SNTG1: variants seen among roughly 807,000 people sequenced by gnomAD.
SNTG1 encodes syntrophin gamma 1.
SNTG1 carries 39 observed loss-of-function variants against 74.7 expected under a neutral mutation model. The ratio of observed to expected loss-of-function variants is 0.52; its 90% CI spans 0.40 to 0.68. The LOEUF is 0.68. Ranked by LOEUF, SNTG1 falls within the 30% of genes least tolerant of loss-of-function variation. The pLI, the probability that SNTG1 is intolerant of heterozygous loss-of-function variation, is 0.00. For synonymous variants in SNTG1, 254 were observed against 217.1 expected (o/e 1.17, Z -1.49); for missense variants, 685 against 609.5 (o/e 1.12, Z -1.30).
intron 17 of SNTG1, among the ~76,000 whole-genome samples, chr8:50,741,325 G>T (rs1184203320): frequency 2.0e-5 from 3 of 152,000 alleles, no homozygotes; most frequent in African/African-American, 7.2e-5. Flanking sequence ...GTTTCGCCAT[G>T]TTGGCCAGGC....
At chr8:50,313,566 G>A (rs1263772584) in intron 2 of SNTG1, among the ~76,000 whole-genome samples, 4 of 149,804 alleles carry the variant, frequency 2.7e-5, no homozygotes, top group Non-Finnish European at 5.9e-5. Flanking sequence ...GTGCAACATC[G>A]TTAATCATCA....
chr8:50,260,741 C>A (rs1338267742), intron 2 of SNTG1, among the ~76,000 whole-genome samples: 8 of 60,220 alleles, frequency 1.3e-4, no homozygotes, highest in South Asian at 7.9e-4. Context: ...AGAGAAATAG[C>A]AATTCTAAAA....
Position 50,145,875 on chromosome 8 carries a change from G to T in SNTG1, c.-102-26686G>T, listed in dbSNP as rs60649237. Among the ~76,000 whole-genome samples, 981 of 150,936 alleles carry T rather than the reference G, an allele frequency of 6.5e-3. 13 individuals are homozygous for T. Among genetic ancestry groups the T allele is most frequent in the African/African-American group, 0.022 (920 of 41,270 alleles). ...TAATAAAATTCAAATACATTTAAAG[G>T]GGAAATAATATAGCATATTCAAATT... On this transcript the variant is annotated intron_variant, in intron 1 of 18. Coordinates refer to ENST00000642720, the MANE Select transcript of SNTG1 (RefSeq NM_018967.5).
chr8:50,163,840 G>C (rs1586549971), intron 1 of SNTG1: 1 of 152,082 alleles, frequency 6.6e-6, no homozygotes, highest in Non-Finnish European at 1.5e-5. Flanking sequence ...TTAGACTGTA[G>C]TTTAAGATTC....
intron 18 of SNTG1, among the ~76,000 whole-genome samples, chr8:50,790,807 A>C (rs2095688721): frequency 6.6e-6 from 1 of 151,926 alleles, no homozygotes. Context: ...GGTGGGAGTA[A>C]TTGAAAATTT....
At chr8:50,512,144 G>C (rs995280899) in intron 9 of SNTG1, among the ~76,000 whole-genome samples, 1 of 152,016 alleles carries the variant, frequency 6.6e-6, no homozygotes, top group East Asian at 1.9e-4. Flanking sequence ...TTGCTTGTCT[G>C]TAAAGTATTT....
chr8:50,619,158 C>T (rs1021403891), intron 13 of SNTG1, among the ~76,000 whole-genome samples: 2 of 152,002 alleles, frequency 1.3e-5, no homozygotes, highest in Non-Finnish European at 2.9e-5. Flanking sequence ...ATTATTAGAG[C>T]ACTATGCTGA....
intron 12 of SNTG1, among the ~76,000 whole-genome samples, chr8:50,554,140 C>T (rs144365386): frequency 1.4e-3 from 217 of 152,276 alleles, no homozygotes; most frequent in Non-Finnish European, 2.6e-3. Context: ...AGGATTGTGG[C>T]CACTATACCT....
intron 2 of SNTG1, among the ~76,000 whole-genome samples, chr8:50,377,084 A>G (rs914486035): frequency 6.6e-6 from 1 of 152,070 alleles, no homozygotes; most frequent in African/African-American, 2.4e-5. Context: ...ATAAGCACAT[A>G]GAAAGGAGGC....
chr8:50,082,201 A>T (rs985057651), intron 1 of SNTG1, among the ~76,000 whole-genome samples: 2 of 152,038 alleles, frequency 1.3e-5, no homozygotes, highest in Non-Finnish European at 2.9e-5. Context: ...GATTTTCTTT[A>T]GTTATTTGAA....
intron 1 of SNTG1, among the ~76,000 whole-genome samples, chr8:49,928,160 T>C (rs1020509666): frequency 6.1e-5 from 9 of 147,936 alleles, no homozygotes; most frequent in African/African-American, 2.2e-4. Context: ...AATAAATAAA[T>C]AAATAAATAA....
At chr8:50,318,845 C>T (rs899105910) in intron 2 of SNTG1, among the ~76,000 whole-genome samples, 5 of 152,100 alleles carry the variant, frequency 3.3e-5, no homozygotes, top group Non-Finnish European at 5.9e-5. Context: ...TAATATACCT[C>T]TCTTTTTGAG....
chr8:50,585,255 T>G (rs1313444977), intron 12 of SNTG1, among the ~76,000 whole-genome samples: 1 of 152,226 alleles, frequency 6.6e-6, no homozygotes, highest in Non-Finnish European at 1.5e-5. Flanking sequence ...TTATAGCTCT[T>G]GCTGGTTTTG....
Position 50,135,621 on chromosome 8 carries a change from C to T in SNTG1, c.-102-36940C>T, listed in dbSNP as rs562939582. Among the ~76,000 whole-genome samples, 14 of 151,548 alleles carry T rather than the reference C, an allele frequency of 9.2e-5. No individual in the cohort carries two copies. The South Asian group carries it at 1.3e-3, about 14-fold the overall frequency. ...GTCTTTCATGATTTTGGGGGACTTT[C>T]GTTTTTAAAAAAAAAATTCAATGAA... On this transcript the variant is annotated intron_variant, in intron 1 of 18. Coordinates refer to ENST00000642720, the MANE Select transcript of SNTG1 (RefSeq NM_018967.5).
chr8:50,240,686 C>T (rs577369320), intron 2 of SNTG1, among the ~76,000 whole-genome samples: 1 of 152,306 alleles, frequency 6.6e-6, no homozygotes, highest in African/African-American at 2.4e-5. Context: ...CATAGTTAAG[C>T]AACACTTCGG....
intron 1 of SNTG1, among the ~76,000 whole-genome samples, chr8:49,943,615 T>A (rs141393636): frequency 1.9e-3 from 290 of 152,340 alleles, no homozygotes; most frequent in African/African-American, 6.7e-3. Context: ...TTGCAGAATT[T>A]TAATCCTTGC....
At chr8:50,759,269 C>T (rs1435133139) in intron 18 of SNTG1, among the ~76,000 whole-genome samples, 1 of 152,056 alleles carries the variant, frequency 6.6e-6, no homozygotes, top group Non-Finnish European at 1.5e-5. Flanking sequence ...GGCCTGTTCA[C>T]TCTGATGATA....
chr8:50,601,906 A>G (rs1030267035), intron 13 of SNTG1, among the ~76,000 whole-genome samples: 1 of 152,078 alleles, frequency 6.6e-6, no homozygotes, highest in Non-Finnish European at 1.5e-5. Flanking sequence ...TTGTCTTGAA[A>G]TATATTTTGT....
intron 2 of SNTG1, among the ~76,000 whole-genome samples, chr8:50,345,694 G>A (rs376432937): frequency 6.6e-6 from 1 of 152,100 alleles, no homozygotes; most frequent in South Asian, 2.1e-4. Context: ...GACTATAGAC[G>A]TTTATCAATT....
Sources: allele counts gnomAD v4.1 joint callset (sites outside exome capture counted in the v4.1 genomes callset), GRCh38; gene constraint gnomAD v4.1.1; transcripts MANE v1.5; gene names NCBI Gene and HGNC (gene_info 2026-07-23, HGNC 2026-07-21).